CFAP54: variants seen among roughly 807,000 people sequenced by gnomAD.
CFAP54 encodes cilia- and flagella-associated protein 54.
Under a neutral mutation model 370.4 loss-of-function variants are expected in CFAP54, and 290 were observed. That is an observed-to-expected ratio of 0.78 (90% confidence interval 0.71 to 0.86). The LOEUF (loss-of-function observed/expected upper bound fraction) is 0.86. Among genes scored for constraint, CFAP54 ranks in the 40% least tolerant of loss-of-function variants. The pLI, the probability that CFAP54 is intolerant of heterozygous loss-of-function variation, is 0.00. For missense variants in CFAP54, 3,399 were observed against 3,528.7 expected (o/e 0.96, Z 0.93); for synonymous variants, 1,206 against 1,236.5 (o/e 0.98, Z 0.52).
chr12:96,552,246 C>CAAA (rs374756712), intron 15 of CFAP54, among the ~76,000 whole-genome samples: 3 of 40,956 alleles, frequency 7.3e-5, no homozygotes, highest in African/African-American at 7.6e-5. Flanking sequence ...AACTACATCT[C>CAAA]AAAAAAAAAA....
At chr12:96,555,914 A>G (rs2136402353) in intron 17 of CFAP54, among the ~76,000 whole-genome samples, 1 of 152,080 alleles carries the variant, frequency 6.6e-6, no homozygotes, top group East Asian at 1.9e-4. Flanking sequence ...TACAAAATGT[A>G]GGTAGAAGAC....
chr12:96,489,865 A>G lies in CFAP54; in HGVS notation c.256A>G (p.Met86Val). Reference sequence around the variant, plus strand: ...GGAGATCCAGGAGTTGTTAGGCTTTATGAGGAAAAAGAAGGCTTTAGCCAC... The same window carrying G: ...GGAGATCCAGGAGTTGTTAGGCTTTGTGAGGAAAAAGAAGGCTTTAGCCAC... ...EKEIQELLGF[M>V]RKKKALATTE... Residue 86 changes from methionine to valine, a missense_variant, in exon 1 of 68, where the codon ATG becomes GTG. Around this residue, in one of 3 missense-constraint regions of CFAP54, gnomAD observed 559 missense variants for 576.7 expected, o/e 0.97. Transcript: ENST00000524981. The G allele has an allele frequency of 6.5e-7, 1 of 1,536,004 alleles. No homozygotes were observed. Among genetic ancestry groups the G allele is most frequent in the East Asian group, 2.4e-5 (1 of 40,902 alleles).
intron 33 of CFAP54, among the ~76,000 whole-genome samples, chr12:96,647,290 G>A (rs1324817472): frequency 6.6e-6 from 1 of 151,238 alleles, no homozygotes; most frequent in Non-Finnish European, 1.5e-5. Context: ...TGGCTAACAC[G>A]CTGAAACACT....
Position 96,623,750 on chromosome 12 carries a change from T to G in CFAP54, c.3772-17T>G. On this transcript the variant is annotated splice_polypyrimidine_tract_variant and intron_variant, in intron 27 of 67. Coordinates refer to ENST00000524981, the MANE Select transcript of CFAP54 (RefSeq NM_001306084.2). ...AACACGTTAAAGTACATTTTGACGT[T>G]TAACCAATGTTTTTAGGATTCTTCT... 1 of 1,339,384 alleles carries G rather than the reference T, an allele frequency of 7.5e-7. No individual in the cohort carries two copies. The allele number at this position is 1,339,384 out of a possible 1,614,324, so 83.0% of individuals were successfully genotyped here.
chr12:96,718,700 A>G (rs1366528915), intron 49 of CFAP54, among the ~76,000 whole-genome samples, 178 bp downstream of exon 49: 2 of 152,236 alleles, frequency 1.3e-5, no homozygotes, highest in African/African-American at 4.8e-5. Flanking sequence ...GTAGATGTCC[A>G]GTGGTGTCCA....
intron 66 of CFAP54, among the ~76,000 whole-genome samples, chr12:96,852,985 G>A (rs570116917): frequency 5.3e-4 from 80 of 152,200 alleles, no homozygotes; most frequent in Middle Eastern, 6.8e-3. Context: ...TGAAGATGTG[G>A]AATAACTGGA....
chr12:96,670,230 A>G (rs1437677684), intron 39 of CFAP54, among the ~76,000 whole-genome samples: 1 of 152,214 alleles, frequency 6.6e-6, no homozygotes, highest in Non-Finnish European at 1.5e-5. Context: ...CCATATGTAC[A>G]TATACCGTAT....
intron 65 of CFAP54, among the ~76,000 whole-genome samples, chr12:96,823,984 A>C (rs1257461393): frequency 6.6e-6 from 1 of 152,208 alleles, no homozygotes; most frequent in African/African-American, 2.4e-5. Flanking sequence ...AGATGAAGGA[A>C]AATGATGATT....
intron 32 of CFAP54, among the ~76,000 whole-genome samples, chr12:96,641,907 A>C (rs1264625471): frequency 7.0e-6 from 1 of 143,268 alleles, no homozygotes; most frequent in African/African-American, 2.5e-5. Context: ...GAAGGGGAAC[A>C]TCACACACCG....
intron 2 of CFAP54, among the ~76,000 whole-genome samples, chr12:96,501,863 A>G (rs1955031405): frequency 6.6e-6 from 1 of 152,224 alleles, no homozygotes; most frequent in Admixed American, 6.5e-5. Flanking sequence ...AGTTCCACAT[A>G]AATGGACCAT....
Position 96,630,119 on chromosome 12 carries a change from T to C in CFAP54, c.4130T>C (p.Ile1377Thr). ...AGAAATGAGTCTCTACTTGGACTAA[T>C]AAAAGTGAAATATAAGGATAGTGCT... ...KRRNESLLGL[I>T]KVKYKDSALN... Residue 1377 changes from isoleucine (I) to threonine (T), a missense_variant, in exon 31 of 68, where the codon ATA (isoleucine) becomes ACA (threonine). By Grantham distance (89) the Ile-to-Thr change is moderately conservative (BLOSUM62 -1). Around this residue, in one of 3 missense-constraint regions of CFAP54, gnomAD observed 2,796 missense variants for 2,869.7 expected, o/e 0.97. Transcript: ENST00000524981. The C allele has an allele frequency of 1.3e-6, 2 of 1,485,388 alleles. No individual in the cohort carries two copies. Among genetic ancestry groups the C allele is most frequent in the South Asian group, 1.2e-5 (1 of 80,604 alleles). The allele number at this position is 1,485,388 out of a possible 1,614,324, so 92.0% of individuals were successfully genotyped here. A position where few individuals can be genotyped will look rare whatever the true frequency, so the allele number is the denominator to read the frequency against.
chr12:96,660,169 G>A (rs1358308060), intron 38 of CFAP54, among the ~76,000 whole-genome samples: 1 of 152,158 alleles, frequency 6.6e-6, no homozygotes, highest in Non-Finnish European at 1.5e-5. Flanking sequence ...GCCATACAGT[G>A]ATCTAGGGAA....
chr12:96,710,766 TCTC>T (rs939765247), intron 48 of CFAP54, among the ~76,000 whole-genome samples: 4 of 152,062 alleles, frequency 2.6e-5, no homozygotes, highest in Non-Finnish European at 2.9e-5. Flanking sequence ...TTCAAGCAAT[TCTC>T]CTGCCTCAGT....
At chr12:96,494,186 G>C (rs1372660068) in intron 1 of CFAP54, among the ~76,000 whole-genome samples, 1 of 152,116 alleles carries the variant, frequency 6.6e-6, no homozygotes, top group Admixed American at 6.5e-5. Context: ...GAGTGAAAGA[G>C]GTACAACAGT....
chr12:96,525,813 C>T (rs1041969689), intron 8 of CFAP54, among the ~76,000 whole-genome samples: 1 of 152,186 alleles, frequency 6.6e-6, no homozygotes, highest in African/African-American at 2.4e-5. Context: ...GCCTCAGCCT[C>T]CCAAGTAACT....
In CFAP54 at chr12:96,594,437, T is replaced by C. The variant is rs1956155871; in HGVS notation, c.3507T>C (p.Pro1169=). 6.5e-7 allele frequency: 1 copy of C among 1,528,126 alleles called. No homozygotes were observed. Among genetic ancestry groups the C allele is most frequent in the South Asian group, 1.2e-5 (1 of 83,234 alleles). The allele number at this position is 1,528,126 out of a possible 1,614,324, so 94.7% of individuals were successfully genotyped here. Residue 1169 remains proline (P), a synonymous_variant, in exon 25 of 68, where the codon CCT becomes CCC. Coordinates refer to ENST00000524981, the MANE Select transcript of CFAP54 (RefSeq NM_001306084.2). ...PIIYHNIVLV[P]VVQILIKCIV... ...TTTATCACAATATTGTTTTGGTACC[T>C]GTTGTACAGGTAAGGGTATTCCTCT...
At chr12:96,720,785 G>A (rs1957741877) in intron 50 of CFAP54, among the ~76,000 whole-genome samples, 1 of 152,112 alleles carries the variant, frequency 6.6e-6, no homozygotes, top group South Asian at 2.1e-4. Flanking sequence ...ACTTTGGGAG[G>A]CTGAGGTGGG....
At chr12:96,585,561 A>G (rs1257360214) in intron 22 of CFAP54, among the ~76,000 whole-genome samples, 2 of 152,116 alleles carry the variant, frequency 1.3e-5, no homozygotes, top group African/African-American at 2.4e-5. Flanking sequence ...ACCTCAGGTG[A>G]TCTGCCCACA....
chr12:96,748,062 T>G (rs1958138011), intron 55 of CFAP54, among the ~76,000 whole-genome samples: 1 of 152,164 alleles, frequency 6.6e-6, no homozygotes, highest in African/African-American at 2.4e-5. Context: ...GATCCAACTT[T>G]CCTCTCACCA....
Sources: gnomAD v4.1 joint callset for allele counts (sites outside exome capture counted in the v4.1 genomes callset) on GRCh38, gnomAD v4.1.1 for gene constraint, gnomAD v4.1.1 regional missense constraint, MANE v1.5 for transcripts, NCBI Gene and HGNC (gene_info 2026-07-23, HGNC 2026-07-21) for gene names.